The following RBM19 variants were observed in gnomAD, a reference collection of about 807,000 sequenced individuals.
RBM19 encodes RNA binding motif protein 19.
In RBM19, 94 loss-of-function variants were observed where a neutral mutation model predicts 116.8. The observed-to-expected ratio is 0.80, with a 90% CI of 0.68 to 0.95. The LOEUF (loss-of-function observed/expected upper bound fraction) is 0.95. RBM19 is among the 40% of genes least tolerant of loss of function. The pLI is 0.00. For missense variants in RBM19, 1,161 were observed against 1,220.7 expected (o/e 0.95, Z 0.73); for synonymous variants, 475 against 494.1 (o/e 0.96, Z 0.51).
chr12:113,827,747 A>T (rs1875003478), intron 23 of RBM19, among the ~76,000 whole-genome samples: 1 of 151,958 alleles, frequency 6.6e-6, no homozygotes, highest in African/African-American at 2.4e-5. Context: ...GGCCTGAGGT[A>T]CAGGGTGGAG....
intron 21 of RBM19, among the ~76,000 whole-genome samples, chr12:113,885,166 C>T (rs1880433757): frequency 6.6e-6 from 1 of 152,154 alleles, no homozygotes; most frequent in African/African-American, 2.4e-5. Flanking sequence ...TTCTTAATTA[C>T]AAAGGGACAA....
intron 23 of RBM19, among the ~76,000 whole-genome samples, chr12:113,843,825 G>A (rs1229134564): frequency 6.6e-6 from 1 of 152,198 alleles, no homozygotes; most frequent in Non-Finnish European, 1.5e-5. Flanking sequence ...ACGAGGCCCT[G>A]CTGACCTCAT....
At chr12:113,872,395 GGGGGGTCAGCCCTCCGCCCGGC>G (rs1428586183) in intron 21 of RBM19, among the ~76,000 whole-genome samples, 10 of 149,588 alleles carry the variant, frequency 6.7e-5, no homozygotes, top group Admixed American at 3.3e-4. Context: ...GAGGGAGGTG[GGGGGGTCAGCCCTCCGCCCGGC>G]CAGCCGCCCC....
chr12:113,914,496 T>C (rs879257133), intron 21 of RBM19, among the ~76,000 whole-genome samples: 13 of 152,324 alleles, frequency 8.5e-5, no homozygotes, highest in South Asian at 2.1e-4. Context: ...GACCCCACTG[T>C]TGAAAAATGG....
chr12:113,837,582 A>G lies in RBM19; in HGVS notation c.2785+7086T>C, dbSNP rs539312332. Among the ~76,000 whole-genome samples the G allele has an allele frequency of 3.9e-5, 6 of 152,314 alleles. No individual in the cohort carries two copies. The East Asian group carries it at 1.2e-3, about 29-fold the overall frequency. Reference sequence around the variant, plus strand: ...TGTGGCCCCATCGTACCAATGACGGAGCTGAGGCAGAGCGACTTGCCTGAG... The same window carrying G: ...TGTGGCCCCATCGTACCAATGACGGGGCTGAGGCAGAGCGACTTGCCTGAG... On this transcript the variant is annotated intron_variant, in intron 23 of 23. Transcript: ENST00000261741.
intron 21 of RBM19, among the ~76,000 whole-genome samples, chr12:113,910,122 C>T (rs113173698): frequency 6.6e-6 from 1 of 152,272 alleles, no homozygotes; most frequent in African/African-American, 2.4e-5. Context: ...GTCTGAAACG[C>T]GCTCCTTAGC....
chr12:113,890,410 G>A (rs569161326), intron 21 of RBM19, among the ~76,000 whole-genome samples: 34 of 152,304 alleles, frequency 2.2e-4, no homozygotes, highest in African/African-American at 7.9e-4. Flanking sequence ...ATAGGTGTCT[G>A]CAGCCAATCG....
intron 21 of RBM19, among the ~76,000 whole-genome samples, chr12:113,910,360 CTG>C (rs993373192): frequency 6.6e-6 from 1 of 152,248 alleles, no homozygotes; most frequent in African/African-American, 2.4e-5. Context: ...GATTCTTCTA[CTG>C]GTTCACAGGC....
chr12:113,900,050 G>C (rs1271362230), intron 21 of RBM19, among the ~76,000 whole-genome samples: 1 of 152,140 alleles, frequency 6.6e-6, no homozygotes, highest in African/African-American at 2.4e-5. Flanking sequence ...GCTCTCCCTG[G>C]GGCACCCTGT....
chr12:113,927,975 G>C (rs1342666170), intron 16 of RBM19, among the ~76,000 whole-genome samples: 1 of 152,176 alleles, frequency 6.6e-6, no homozygotes, highest in African/African-American at 2.4e-5. Flanking sequence ...TCATATAAAA[G>C]TTAGAGAAAA....
intron 21 of RBM19, among the ~76,000 whole-genome samples, chr12:113,865,838 AGG>A (rs768421291): frequency 1.6e-4 from 23 of 144,102 alleles, no homozygotes; most frequent in East Asian, 6.9e-4. Context: ...AAAAAAAAAA[AGG>A]GGGCAGGGGG....
chr12:113,959,074 G>A (rs1262094992), intron 5 of RBM19, 138 bp downstream of exon 5: 2 of 820,268 alleles, frequency 2.4e-6, no homozygotes, highest in Non-Finnish European at 3.8e-6. Context: ...TGCACCTGCA[G>A]AGGGATCATC....
At chr12:113,916,971 AC>A (rs1417854638) in intron 20 of RBM19, among the ~76,000 whole-genome samples, 1 of 152,240 alleles carries the variant, frequency 6.6e-6, no homozygotes, top group Non-Finnish European at 1.5e-5. Flanking sequence ...AAACAGTTGC[AC>A]TTGCCATATC....
chr12:113,909,879 G>A (rs995457544), intron 21 of RBM19, among the ~76,000 whole-genome samples: 7 of 152,188 alleles, frequency 4.6e-5, no homozygotes, highest in African/African-American at 1.7e-4. Flanking sequence ...TACGCTAGGC[G>A]TCTCACATAC....
Position 113,962,221 on chromosome 12 carries a change from T to C in RBM19, c.219+11A>G. ...GACAGGAAGGTAAGGGTGAGACTCC[T>C]GCCCACTCACTGTGATCCGGGATGT... On this transcript the variant is annotated intron_variant, in intron 2 of 23. Coordinates refer to ENST00000261741, the MANE Select transcript of RBM19 (RefSeq NM_016196.4). 6.2e-7 allele frequency: 1 copy of C among 1,613,914 alleles called. No individual in the cohort carries two copies. The highest frequency in any genetic ancestry group is 1.3e-5 in the African/African-American group (1 of 75,068).
At chr12:113,928,417 T>TACACACACACACAC (rs3066401) in intron 16 of RBM19, among the ~76,000 whole-genome samples, 1,822 of 136,306 alleles carry the variant, frequency 0.013, 28 homozygotes, top group Middle Eastern at 0.019. Flanking sequence ...TACATGTGCA[T>TACACACACACACAC]ACACACACAC....
chr12:113,844,999 G>A (rs552662242), intron 22 of RBM19, among the ~76,000 whole-genome samples: 2 of 152,326 alleles, frequency 1.3e-5, no homozygotes, highest in South Asian at 2.1e-4. Context: ...GCAAGTGACT[G>A]AGCAGTCAAT....
intron 5 of RBM19, among the ~76,000 whole-genome samples, 162 bp from the exon 6 acceptor site, chr12:113,958,212 A>G (rs746964504): frequency 2.6e-5 from 4 of 152,048 alleles, no homozygotes; most frequent in Non-Finnish European, 5.9e-5. Flanking sequence ...CTGATTAGCA[A>G]TACCAAAACG....
rs537976015 is a variant in RBM19, at chr12:113,959,139, G to C, written c.571+73C>G. 3.6e-5 allele frequency: 55 copies of C among 1,525,626 alleles called. No homozygotes were observed. In the Middle Eastern group the frequency reaches 4.4e-3, roughly 123 times the overall value. 94.5% of individuals were successfully genotyped at this position (1,525,626 alleles called of 1,614,324 possible). A position where few individuals can be genotyped will look rare whatever the true frequency, so the allele number is the denominator to read the frequency against. On this transcript the variant is annotated intron_variant, in intron 5 of 23. Transcript: ENST00000261741. Reference sequence around the variant, plus strand: ...TGACTCCTAGAGTCTGCACAGAGGGGCCCCCAGTGCCGGTTAGCCCAATGG... The same window carrying C: ...TGACTCCTAGAGTCTGCACAGAGGGCCCCCCAGTGCCGGTTAGCCCAATGG...
Sources: allele counts gnomAD v4.1 joint callset (sites outside exome capture counted in the v4.1 genomes callset), GRCh38; gene constraint gnomAD v4.1.1; transcripts MANE v1.5; gene names NCBI Gene and HGNC (gene_info 2026-07-23, HGNC 2026-07-21).